Variants in DPP6 observed in about 807,000 individuals in gnomAD.
DPP6 encodes A-type potassium channel modulatory protein DPP6.
DPP6 carries 69 observed loss-of-function variants against 122.6 expected under a neutral mutation model. The ratio of observed to expected loss-of-function variants is 0.56; its 90% CI spans 0.46 to 0.69. The LOEUF is 0.69. Among genes scored for constraint, DPP6 ranks in the 30% least tolerant of loss-of-function variants. DPP6 has a pLI of 0.00. For synonymous variants in DPP6, 418 were observed against 433.1 expected, an observed-to-expected ratio of 0.97 and a Z score of 0.43; for missense variants, 928 against 1,116.9, an observed-to-expected ratio of 0.83 and a Z score of 2.41.
intron 16 of DPP6, among the ~76,000 whole-genome samples, chr7:154,811,696 C>A (rs898432012): frequency 2.6e-5 from 4 of 152,170 alleles, no homozygotes; most frequent in Non-Finnish European, 5.9e-5. Flanking sequence ...TTATTTTTCT[C>A]CACGTTTCTC....
intron 1 of DPP6, among the ~76,000 whole-genome samples, chr7:154,375,607 C>T (rs1242557424): frequency 2.0e-5 from 3 of 152,106 alleles, no homozygotes; most frequent in East Asian, 3.9e-4. Flanking sequence ...TTTTCTCTGT[C>T]TCCATCCAAT....
At chr7:154,232,636 C>T (rs990612817) in intron 1 of DPP6, among the ~76,000 whole-genome samples, 7 of 152,194 alleles carry the variant, frequency 4.6e-5, no homozygotes, top group African/African-American at 1.7e-4. Flanking sequence ...ACATTCAGAC[C>T]CTTTGCAGCA....
At chr7:154,636,726 T>G (rs1396785922) in intron 5 of DPP6, among the ~76,000 whole-genome samples, 4 of 152,246 alleles carry the variant, frequency 2.6e-5, no homozygotes, top group Non-Finnish European at 5.9e-5. Flanking sequence ...AATTCAGTGG[T>G]GCAGGCTAGG....
At chr7:153,837,812 A>G in the DPP6 span, among the ~76,000 whole-genome samples, 7 of 144,810 alleles carry the variant, frequency 4.8e-5, no homozygotes, top group East Asian at 1.4e-3. Flanking sequence ...CTGGGACTAC[A>G]GGCACCTGCC....
chr7:154,721,834 A>G (rs771348246), intron 7 of DPP6, among the ~76,000 whole-genome samples: 7 of 152,038 alleles, frequency 4.6e-5, no homozygotes, highest in Non-Finnish European at 8.8e-5. Context: ...ACGTACTTTG[A>G]GTTGGTTGAC....
chr7:154,028,930 TTTC>T (rs1478421082), intron 1 of DPP6, among the ~76,000 whole-genome samples: 1 of 151,584 alleles, frequency 6.6e-6, no homozygotes, highest in Non-Finnish European at 1.5e-5. Context: ...GGGAGGCCCT[TTTC>T]TTCCTCTTCC....
At chr7:154,677,971 T>C (rs1839021412) in intron 7 of DPP6, among the ~76,000 whole-genome samples, 2 of 152,334 alleles carry the variant, frequency 1.3e-5, no homozygotes, top group African/African-American at 4.8e-5. Flanking sequence ...ATCAGAGCTC[T>C]GTCTAGCTAA....
At chr7:154,280,628 T>C (rs1804439736) in intron 1 of DPP6, among the ~76,000 whole-genome samples, 1 of 152,302 alleles carries the variant, frequency 6.6e-6, no homozygotes, top group South Asian at 2.1e-4. Flanking sequence ...TGGATTTAAT[T>C]AATAATAGTA....
intron 10 of DPP6, among the ~76,000 whole-genome samples, chr7:154,792,089 A>T (rs1283731547): frequency 6.6e-6 from 1 of 152,274 alleles, no homozygotes; most frequent in Non-Finnish European, 1.5e-5. Flanking sequence ...AATTAGCATG[A>T]AGGACATAGA....
chr7:154,659,213 C>T (rs1164756559), intron 6 of DPP6, among the ~76,000 whole-genome samples: 1 of 152,238 alleles, frequency 6.6e-6, no homozygotes, highest in African/African-American at 2.4e-5. Context: ...AACCCAGTTT[C>T]CCACCTGACA....
chr7:154,610,305 T>C (rs1290908077), intron 5 of DPP6, among the ~76,000 whole-genome samples: 2 of 152,038 alleles, frequency 1.3e-5, no homozygotes, highest in African/African-American at 2.4e-5. Flanking sequence ...AGCCTTGAAA[T>C]TGAGTCTTGA....
chr7:154,394,510 G>A (rs1183932424), intron 1 of DPP6, among the ~76,000 whole-genome samples: 1 of 150,714 alleles, frequency 6.6e-6, no homozygotes, highest in Non-Finnish European at 1.5e-5. Context: ...TATATGAATT[G>A]CAAATATTAT....
chr7:154,030,394 T>A (rs1371829382), intron 1 of DPP6, among the ~76,000 whole-genome samples: 1 of 152,130 alleles, frequency 6.6e-6, no homozygotes, highest in East Asian at 1.9e-4. Context: ...AGGTGTGAGT[T>A]GGGACCTGAG....
At chr7:154,857,361 G>A (rs1452427887) in intron 17 of DPP6, among the ~76,000 whole-genome samples, 1 of 152,040 alleles carries the variant, frequency 6.6e-6, no homozygotes, top group African/African-American at 2.4e-5. Context: ...TCCTTGCACG[G>A]CCATCCCTGA....
intron 8 of DPP6, among the ~76,000 whole-genome samples, chr7:154,761,773 G>T (rs918211694): frequency 6.6e-6 from 1 of 151,820 alleles, no homozygotes; most frequent in Admixed American, 6.6e-5. Context: ...AGGTATACAT[G>T]TGCCATGTTG....
At chr7:153,784,205 C>T in the DPP6 span, among the ~76,000 whole-genome samples, 4 of 152,134 alleles carry the variant, frequency 2.6e-5, no homozygotes, top group African/African-American at 9.7e-5. Flanking sequence ...GTGCAAGCAG[C>T]ATTTTGCAAA....
chr7:154,210,199 A>T (rs1284086060), intron 1 of DPP6, among the ~76,000 whole-genome samples: 1 of 152,192 alleles, frequency 6.6e-6, no homozygotes, highest in East Asian at 1.9e-4. Context: ...TGGCTCTCCC[A>T]AGCCTGCTCT....
At chr7:153,971,889 T>C (rs991727632) in intron 1 of DPP6, among the ~76,000 whole-genome samples, 25 of 146,236 alleles carry the variant, frequency 1.7e-4, no homozygotes, top group African/African-American at 6.3e-4. Flanking sequence ...CACCAGGTCT[T>C]ATCTCAATCT....
intron 1 of DPP6, among the ~76,000 whole-genome samples, chr7:154,427,393 G>A (rs923419119): frequency 5.9e-5 from 9 of 152,190 alleles, no homozygotes; most frequent in Admixed American, 3.9e-4. Context: ...TTATTCTGTA[G>A]GCTTTCTTTT....
Sources: allele counts gnomAD v4.1 joint callset (sites outside exome capture counted in the v4.1 genomes callset), GRCh38; gene constraint gnomAD v4.1.1; transcripts MANE v1.5; gene names NCBI Gene and HGNC (gene_info 2026-07-23, HGNC 2026-07-21).